CNPY3: variants seen among roughly 807,000 people sequenced by gnomAD.
CNPY3 encodes canopy FGF signaling regulator 3.
CNPY3 carries 20 observed loss-of-function variants against 32.0 expected under a neutral mutation model. The observed-to-expected ratio is 0.63, with a 90% CI of 0.44 to 0.91. The LOEUF (loss-of-function observed/expected upper bound fraction) is 0.91, where lower values mean the gene tolerates loss of function less well. Among genes scored for constraint, CNPY3 ranks in the 40% least tolerant of loss-of-function variants. The pLI is 0.00. For missense variants in CNPY3, 299 were observed against 340.8 expected, an observed-to-expected ratio of 0.88 and a Z score of 0.97; for synonymous variants, 138 against 142.9, an observed-to-expected ratio of 0.97 and a Z score of 0.24.
At chr6:42,929,809 GTTCCGAGCTCTGCAGGGTGTC>G in intron 1 of CNPY3, 88 bp downstream of exon 1, 1 of 1,421,352 alleles carries the variant, frequency 7.0e-7, no homozygotes, top group Non-Finnish European at 9.4e-7. Flanking sequence ...GGGTTGCAAG[GTTCCGAGCTCTGCAGGGTGTC>G]TTCCTTCCTT....
chr6:42,930,207 G>A (rs920816271), intron 1 of CNPY3, among the ~76,000 whole-genome samples: 1 of 152,140 alleles, frequency 6.6e-6, no homozygotes, highest in Admixed American at 6.5e-5. Context: ...AAAAGCTCCA[G>A]ATGACTCATC....
rs141035006 is a variant in CNPY3, at chr6:42,937,250, A to G, written c.373-467A>G. On this transcript the variant is annotated intron_variant, in intron 3 of 5. Coordinates refer to ENST00000372836, the MANE Select transcript of CNPY3 (RefSeq NM_006586.5). Reference sequence around the variant, plus strand: ...GCGATGAGGTGTGCAGAGGCAGATCAGGGGGTATATGTGCAGGGGTTGTGG... The same window carrying G: ...GCGATGAGGTGTGCAGAGGCAGATCGGGGGGTATATGTGCAGGGGTTGTGG... 2.6e-5 allele frequency among the ~76,000 whole-genome samples: 4 copies of G among 152,242 alleles called. 1 individual carries two copies. In the East Asian group the frequency reaches 7.7e-4, roughly 29 times the overall value.
intron 4 of CNPY3, 40 bp from the exon 5 acceptor site, chr6:42,938,050 G>A (rs62416354): frequency 0.033 from 52,488 of 1,573,040 alleles, 1,164 homozygotes; most frequent in Non-Finnish European, 0.038. Flanking sequence ...AGCGAGTCAG[G>A]TGCTGGGGCT....
chr6:42,929,958 G>A (rs1483133263), intron 1 of CNPY3, among the ~76,000 whole-genome samples: 1 of 152,102 alleles, frequency 6.6e-6, no homozygotes, highest in Admixed American at 6.6e-5. Context: ...CCATGATAGG[G>A]GAGGTACAGA....
chr6:42,938,626 G>A lies in CNPY3; in HGVS notation c.672G>A (p.Lys224=). ...GAGACACAGCTGCCCTGGGAGGGAA[G>A]AAGTCCAAGAAGAAGAGCAGCAGGG... The part of the protein sequence containing the change: ...KKGDTAALGG[K]KSKKKSSRAK... Residue 224 remains lysine, a synonymous_variant, in exon 6 of 6, where the codon AAG becomes AAA. Transcript: ENST00000372836. 1.2e-6 allele frequency: 2 copies of A among 1,610,496 alleles called. No individual in the cohort carries two copies. Among genetic ancestry groups the A allele is most frequent in the Non-Finnish European group, 1.7e-6 (2 of 1,178,340 alleles).
chr6:42,933,009 A>T (rs1207517993), intron 1 of CNPY3, among the ~76,000 whole-genome samples: 1 of 152,222 alleles, frequency 6.6e-6, no homozygotes, highest in East Asian at 1.9e-4. Flanking sequence ...GGAAATACGA[A>T]AAAATCTAAT....
At chr6:42,930,080 C>T (rs1581698245) in intron 1 of CNPY3, among the ~76,000 whole-genome samples, 1 of 151,684 alleles carries the variant, frequency 6.6e-6, no homozygotes, top group East Asian at 1.9e-4. Flanking sequence ...ACAGGAAGCA[C>T]GAAGAGGCAT....
At chr6:42,928,150 GCTAA>G (rs1767515222), upstream of CNPY3, among the ~76,000 whole-genome samples, 1 of 150,568 alleles carries the variant, frequency 6.6e-6, no homozygotes, top group Admixed American at 6.6e-5. Context: ...ACCACGCCCG[GCTAA>G]CTTTTTGTAT....
chr6:42,934,491 T>C lies in CNPY3; in HGVS notation c.168T>C (p.Ala56=), dbSNP rs1400595864. 1 of 1,614,062 alleles carries C rather than the reference T, an allele frequency of 6.2e-7. No individual in the cohort carries two copies. The highest frequency in any genetic ancestry group is 8.5e-7 in the Non-Finnish European group (1 of 1,179,988). The change falls in exon 2 of 6, where the codon GCT becomes GCC. Residue 56 remains alanine (A), a synonymous_variant. Coordinates refer to ENST00000372836, the MANE Select transcript of CNPY3 (RefSeq NM_006586.5). The stretch of plus-strand genomic sequence containing the variant: ...CTCCCCCAGTGTGTAAATATGTTGC[T>C]GTGGAGCTGAAGTCAGCCTTTGAGG... ...PSKCEVCKYV[A]VELKSAFEET...
At chr6:42,933,665 T>C (rs895867670) in intron 1 of CNPY3, among the ~76,000 whole-genome samples, 4 of 152,176 alleles carry the variant, frequency 2.6e-5, no homozygotes, top group Non-Finnish European at 5.9e-5. Context: ...AGGTCTTTTT[T>C]CTCAGGAGAT....
chr6:42,938,266 G>C (rs1272823537), intron 5 of CNPY3, 59 bp downstream of exon 5: 2 of 1,334,408 alleles, frequency 1.5e-6, no homozygotes, highest in African/African-American at 2.9e-5. Flanking sequence ...TCTCCCTTGG[G>C]GGAGGTGGGT....
At chr6:42,928,773 G>C (rs527985030), upstream of CNPY3, among the ~76,000 whole-genome samples, 30 of 152,280 alleles carry the variant, frequency 2.0e-4, no homozygotes, top group East Asian at 5.2e-3. Flanking sequence ...GAAAATTAAT[G>C]CCTGAACTTT....
At position 42,929,667 on chromosome 6, in the gene CNPY3, A is replaced by C. The variant is rs1181513435; in HGVS notation, c.97A>C (p.Ser33Arg). ...GCTGCCGGCCCCGGAGCTGGGCCCG[A>C]GCCAGGCCGGAGCTGAGGAGAACGA... ...LLLPAPELGPSQAGAEENDWV... is the reference protein window; with the variant it reads ...LLLPAPELGPRQAGAEENDWV... The change falls in exon 1 of 6, where the codon AGC becomes CGC. Residue 33 changes from serine to arginine, a missense_variant. Physicochemically the swap from Ser to Arg is moderately radical, Grantham distance 110 (BLOSUM62 -1). This residue lies in a region of CNPY3 where 88 missense variants were observed against 62.5 expected (regional missense o/e 1.41). Transcript: ENST00000372836. The C allele has an allele frequency of 6.4e-7, 1 of 1,552,904 alleles. No individual in the cohort carries two copies. Among genetic ancestry groups the C allele is most frequent in the Admixed American group, 2.0e-5 (1 of 51,088 alleles).
At chr6:42,935,696 C>G (rs777419791) in intron 3 of CNPY3, 26 bp downstream of exon 3, 4 of 1,597,988 alleles carry the variant, frequency 2.5e-6, no homozygotes, top group Non-Finnish European at 2.6e-6. Flanking sequence ...GTCCTTCATC[C>G]GCTCTGGGGT....
rs142537477 is a variant in CNPY3 at position 42,931,169 on chromosome 6, C to T, written c.151+1448C>T. ...GCTCCCACAGTGCTGGGCTTATAGG[C>T]GTGAGCCTCTGCTCCTGGCCGCCCT... On this transcript the variant is annotated intron_variant, in intron 1 of 5. Coordinates refer to ENST00000372836, the MANE Select transcript of CNPY3 (RefSeq NM_006586.5). Among the ~76,000 whole-genome samples the T allele has an allele frequency of 5.9e-3, 894 of 151,200 alleles. 7 individuals carry two copies. The highest frequency in any genetic ancestry group is 0.02 in the African/African-American group (824 of 41,184).
At position 42,939,230 on chromosome 6, in the gene CNPY3, C is replaced by T; in HGVS notation, c.*439C>T. ...ACCTTGCACTCTGCCTGGCCCTTCCCAGAGCCCAAAGAGTAAAAATGTTCT... is the reference window on the plus strand; with the variant it reads ...ACCTTGCACTCTGCCTGGCCCTTCCTAGAGCCCAAAGAGTAAAAATGTTCT... On this transcript the variant is annotated 3_prime_UTR_variant, in exon 6 of 6. Transcript: ENST00000372836. 3.0e-6 allele frequency: 3 copies of T among 993,510 alleles called. No homozygotes were observed. Among genetic ancestry groups the T allele is most frequent in the Non-Finnish European group, 3.6e-6 (3 of 835,822 alleles). The allele number at this position is 993,510 out of a possible 1,614,324, so 61.5% of individuals were successfully genotyped here. A position where few individuals can be genotyped will look rare whatever the true frequency, so the allele number is the denominator to read the frequency against.
At chr6:42,929,340 C>A (rs372971903), upstream of CNPY3, 2 of 556,444 alleles carry the variant, frequency 3.6e-6, no homozygotes, top group Admixed American at 3.2e-5. Context: ...ATAGTCTTCC[C>A]ATTAGCTAGA....
chr6:42,938,073 G>T lies in CNPY3; in HGVS notation c.496-17G>T. 1 of 1,602,004 alleles carries T rather than the reference G, an allele frequency of 6.2e-7. No homozygotes were observed. Among genetic ancestry groups the T allele is most frequent in the Non-Finnish European group, 8.6e-7 (1 of 1,169,100 alleles). ...AGGTGCTGGGGCTTTGCCAATATGA[G>T]GTATTATGATTAACAGTGTGATGTG... is the stretch of plus-strand genomic sequence containing the variant. On this transcript the variant is annotated splice_polypyrimidine_tract_variant and intron_variant, in intron 4 of 5. Coordinates refer to ENST00000372836, the MANE Select transcript of CNPY3 (RefSeq NM_006586.5).
chr6:42,929,377 T>A (rs925341526), upstream of CNPY3: 34 of 615,592 alleles, frequency 5.5e-5, no homozygotes, highest in Admixed American at 9.0e-5. Context: ...GCCTATTGGC[T>A]GCGCCGTCCG....
Sources: gnomAD v4.1 joint callset for allele counts (sites outside exome capture counted in the v4.1 genomes callset) on GRCh38, gnomAD v4.1.1 for gene constraint, gnomAD v4.1.1 regional missense constraint, MANE v1.5 for transcripts, NCBI Gene and HGNC (gene_info 2026-07-23, HGNC 2026-07-21) for gene names.